TMEM163: variants seen among roughly 807,000 people sequenced by gnomAD.
TMEM163 encodes transmembrane protein 163.
A neutral mutation model predicts 29.3 loss-of-function variants in TMEM163; 17 were observed. The observed-to-expected ratio is 0.58, with a 90% CI of 0.40 to 0.87. The LOEUF is 0.87. TMEM163 is among the 40% of genes least tolerant of loss of function. The probability of loss-of-function intolerance (pLI) is 0.00; values close to 1 mark genes in which losing one functional copy is unlikely to be tolerated. For missense variants in TMEM163, 303 were observed against 381.5 expected, an observed-to-expected ratio of 0.79 and a Z score of 1.71; for synonymous variants, 157 against 160.6, an observed-to-expected ratio of 0.98 and a Z score of 0.17.
chr2:134,705,939 C>T (rs991404110), intron 2 of TMEM163, among the ~76,000 whole-genome samples: 5 of 152,220 alleles, frequency 3.3e-5, no homozygotes, highest in African/African-American at 9.6e-5. Flanking sequence ...GCCCAGCTAC[C>T]CTGTGTCACC....
At chr2:134,646,241 C>A (rs1683333923) in intron 2 of TMEM163, among the ~76,000 whole-genome samples, 1 of 149,582 alleles carries the variant, frequency 6.7e-6, no homozygotes, top group Non-Finnish European at 1.5e-5. Context: ...CCCGCCACCA[C>A]ATCTGGCGAA....
At chr2:134,691,730 T>C (rs1300133148) in intron 2 of TMEM163, among the ~76,000 whole-genome samples, 1 of 152,208 alleles carries the variant, frequency 6.6e-6, no homozygotes, top group Non-Finnish European at 1.5e-5. Flanking sequence ...AAATGTTCTC[T>C]GCAGAGTCAC....
At position 134,718,789 on chromosome 2, in the gene TMEM163, C is replaced by T; in HGVS notation, c.147G>A (p.Glu49=). Residue 49 remains glutamate (E), a synonymous_variant, in exon 1 of 8, where the codon GAG becomes GAA. Coordinates refer to ENST00000281924, the MANE Select transcript of TMEM163 (RefSeq NM_030923.5). The stretch of plus-strand genomic sequence containing the variant: ...CGCTCTCGCTGATCCGCACCTGCCG[C>T]TCCTCCTCCAGCTGGGGCGGCTCGC... The part of the protein sequence containing the change: ...PVREPPQLEE[E]RQVRISESGQ... The T allele has an allele frequency of 8.7e-7, 1 of 1,150,160 alleles. No individual in the cohort carries two copies. Among genetic ancestry groups the T allele is most frequent in the Non-Finnish European group, 1.1e-6 (1 of 935,774 alleles). The allele number at this position is 1,150,160 out of a possible 1,614,324, so 71.2% of individuals were successfully genotyped here. A position where few individuals can be genotyped will look rare whatever the true frequency, so the allele number is the denominator to read the frequency against.
intron 5 of TMEM163, among the ~76,000 whole-genome samples, chr2:134,492,697 C>A (rs539771705): frequency 6.6e-6 from 1 of 152,300 alleles, no homozygotes; most frequent in East Asian, 1.9e-4. Context: ...TGTCTACCAC[C>A]GAGCAGTCTT....
chr2:134,627,998 A>C (rs1224768030), intron 2 of TMEM163, among the ~76,000 whole-genome samples: 1 of 152,218 alleles, frequency 6.6e-6, no homozygotes, highest in Non-Finnish European at 1.5e-5. Flanking sequence ...TTGTCATTCA[A>C]TCAGATTAGA....
At chr2:134,582,315 G>A (rs1043794683) in intron 2 of TMEM163, among the ~76,000 whole-genome samples, 1 of 152,176 alleles carries the variant, frequency 6.6e-6, no homozygotes, top group African/African-American at 2.4e-5. Context: ...CAGTATGGTA[G>A]GTGCACCTAA....
intron 2 of TMEM163, among the ~76,000 whole-genome samples, chr2:134,700,941 A>AATACATAAATAAATACATAAATAC (rs1553495681): frequency 2.7e-5 from 4 of 146,368 alleles, no homozygotes; most frequent in Admixed American, 6.8e-5. Flanking sequence ...TAAATAAATA[A>AATACATAAATAAATACATAAATAC]ATAAATAAAG....
At chr2:134,582,729 G>A (rs1340951544) in intron 2 of TMEM163, among the ~76,000 whole-genome samples, 2 of 152,130 alleles carry the variant, frequency 1.3e-5, no homozygotes, top group Non-Finnish European at 2.9e-5. Context: ...AAATAATCAT[G>A]TCTCAAGCTG....
chr2:134,577,312 T>C (rs751302738), intron 2 of TMEM163, among the ~76,000 whole-genome samples: 1 of 152,162 alleles, frequency 6.6e-6, no homozygotes, highest in Non-Finnish European at 1.5e-5. Context: ...TCTTGTTCCT[T>C]CCCTCAGGAA....
chr2:134,646,911 G>A (rs1683347971), intron 2 of TMEM163, among the ~76,000 whole-genome samples: 1 of 152,180 alleles, frequency 6.6e-6, no homozygotes, highest in Non-Finnish European at 1.5e-5. Flanking sequence ...GAATCCACCT[G>A]GAGTTGTGTA....
chr2:134,466,344 C>G, intron 5 of TMEM163, 119 bp from the exon 6 acceptor site: 1 of 753,748 alleles, frequency 1.3e-6, no homozygotes, highest in South Asian at 1.7e-5. Flanking sequence ...GTGCTGCCAC[C>G]AGGTGGGGGT....
At chr2:134,584,700 AAGAGAGTCTGGGTGGCC>A (rs1009177360) in intron 2 of TMEM163, among the ~76,000 whole-genome samples, 3 of 152,152 alleles carry the variant, frequency 2.0e-5, no homozygotes, top group Non-Finnish European at 2.9e-5. Context: ...CTAAAGAAAT[AAGAGAGTCTGGGTGGCC>A]AGAGAGTCTG....
chr2:134,486,018 C>G (rs1376098334), intron 5 of TMEM163, among the ~76,000 whole-genome samples: 1 of 152,152 alleles, frequency 6.6e-6, no homozygotes, highest in Non-Finnish European at 1.5e-5. Context: ...CATCTGAACT[C>G]TCAGATTTAT....
chr2:134,561,105 G>A (rs1228404055), intron 2 of TMEM163, among the ~76,000 whole-genome samples: 1 of 152,248 alleles, frequency 6.6e-6, no homozygotes, highest in Non-Finnish European at 1.5e-5. Flanking sequence ...CGTCTCCGCC[G>A]TCTCCGATGG....
chr2:134,560,679 C>T (rs1301337414), intron 2 of TMEM163, among the ~76,000 whole-genome samples: 1 of 152,172 alleles, frequency 6.6e-6, no homozygotes, highest in Non-Finnish European at 1.5e-5. Flanking sequence ...CAAGAGCCAA[C>T]ACAGAATAGT....
intron 4 of TMEM163, among the ~76,000 whole-genome samples, chr2:134,544,684 G>C (rs890211343): frequency 1.3e-5 from 2 of 152,090 alleles, no homozygotes; most frequent in Admixed American, 1.3e-4. Context: ...AATCCCAGCT[G>C]CTCGGGAGGC....
At chr2:134,504,072 T>A (rs750708449) in intron 4 of TMEM163, among the ~76,000 whole-genome samples, 2 of 152,176 alleles carry the variant, frequency 1.3e-5, no homozygotes, top group Non-Finnish European at 2.9e-5. Context: ...TCAAACAAAA[T>A]CACGTTTTAT....
chr2:134,592,869 G>GATATAGATAGAT lies in TMEM163; in HGVS notation c.323-40779_323-40778insATCTATCTATAT, dbSNP rs147345127. On this transcript the variant is annotated intron_variant, in intron 2 of 7. Coordinates refer to ENST00000281924, the MANE Select transcript of TMEM163 (RefSeq NM_030923.5). Reference sequence around the variant, plus strand: ...ATATAGAGATACAGATATTAATATAGAGATAGATAGATAGATAGATAGACC... The same window carrying GATATAGATAGAT: ...ATATAGAGATACAGATATTAATATAGATATAGATAGATAGATAGATAGATAGATAGATAGACC... Among the ~76,000 whole-genome samples the GATATAGATAGAT allele has an allele frequency of 5.2e-4, 77 of 148,202 alleles. 1 individual carries two copies. Among genetic ancestry groups the GATATAGATAGAT allele is most frequent in the African/African-American group, 1.8e-3 (72 of 39,852 alleles).
intron 4 of TMEM163, among the ~76,000 whole-genome samples, chr2:134,543,278 A>C (rs1680715775): frequency 6.6e-6 from 1 of 152,170 alleles, no homozygotes; most frequent in Non-Finnish European, 1.5e-5. Flanking sequence ...CTAAATTCAC[A>C]CTACTCAAAG....
Sources: allele counts gnomAD v4.1 joint callset (sites outside exome capture counted in the v4.1 genomes callset), GRCh38; gene constraint gnomAD v4.1.1; transcripts MANE v1.5; gene names NCBI Gene and HGNC (gene_info 2026-07-23, HGNC 2026-07-21).